ATAD2B: variants seen among roughly 807,000 people sequenced by gnomAD.
ATAD2B encodes the protein ATPase family AAA domain containing 2B, also known as ATPase family AAA domain-containing protein 2B.
In ATAD2B, 40 loss-of-function variants were observed where a neutral mutation model predicts 167.6. The ratio of observed to expected loss-of-function variants is 0.24; its 90% confidence interval spans 0.19 to 0.31. The LOEUF (loss-of-function observed/expected upper bound fraction) is 0.31. Ranked by LOEUF, ATAD2B falls within the 10% of genes least tolerant of loss-of-function variation. ATAD2B has a pLI of 1.00. For synonymous variants in ATAD2B, 579 were observed against 596.5 expected, an observed-to-expected ratio of 0.97 and a Z score of 0.43; for missense variants, 1,242 against 1,757.2, an observed-to-expected ratio of 0.71 and a Z score of 5.24.
intron 17 of ATAD2B, among the ~76,000 whole-genome samples, chr2:23,811,014 A>AAAAC (rs139327555): frequency 2.9e-4 from 44 of 150,802 alleles, no homozygotes; most frequent in Non-Finnish European, 3.5e-4. Flanking sequence ...TCCATCTCAA[A>AAAAC]AAACAAACAA....
At chr2:23,778,584 A>G (rs2149372259) in intron 22 of ATAD2B, among the ~76,000 whole-genome samples, 2 of 152,362 alleles carry the variant, frequency 1.3e-5, no homozygotes, top group East Asian at 3.9e-4. Flanking sequence ...TCATAAGAAT[A>G]CAAACACAAA....
rs1703824330 is a variant in ATAD2B at position 23,920,961 on chromosome 2, T to C, written c.216+5594A>G. The stretch of plus-strand genomic sequence containing the variant: ...GGCTCATGCCTGTAACCTCAGCACT[T>C]TGGGAGACCGAGGCGGGCGGGTCGC... On this transcript the variant is annotated intron_variant, in intron 1 of 27. Transcript: ENST00000238789. 2.0e-5 allele frequency among the ~76,000 whole-genome samples: 3 copies of C among 152,124 alleles called. No homozygotes were observed. In the South Asian group the frequency reaches 6.2e-4, roughly 32 times the overall value.
chr2:23,695,568 G>A, the ATAD2B span: 87 of 1,252,402 alleles, frequency 6.9e-5, no homozygotes, highest in Non-Finnish European at 8.5e-5. This position sits in a 1 kb window ranked among gnomAD's most constrained non-coding sequence, Gnocchi z 7.6. Context: ...CTTTCCGTCC[G>A]GGAGGTGGCT....
the ATAD2B span, among the ~76,000 whole-genome samples, chr2:23,734,314 G>A: frequency 4.6e-5 from 7 of 151,962 alleles, no homozygotes; most frequent in Non-Finnish European, 1.0e-4. Flanking sequence ...GTGTCACCAC[G>A]CCTGGCTAAT....
chr2:23,798,190 G>C lies in ATAD2B; in HGVS notation c.2588C>G (p.Pro863Arg). Residue 863 changes from proline (P) to arginine (R), a missense_variant, in exon 19 of 28, where the codon CCT becomes CGT. This residue lies in a region of ATAD2B where 34 missense variants were observed against 101.1 expected (regional missense o/e 0.34). Coordinates refer to ENST00000238789, the MANE Select transcript of ATAD2B (RefSeq NM_017552.4). The part of the protein sequence containing the change: ...TLLQDIPSFS[P>R]IFLLSTSETM... ...TTCAGAGGTAGACAATAAAAATATAGGTGAAAATGATGGTATATCTTGTAG... is the reference window on the plus strand; with the variant it reads ...TTCAGAGGTAGACAATAAAAATATACGTGAAAATGATGGTATATCTTGTAG... 6.2e-7 allele frequency: 1 copy of C among 1,604,188 alleles called. No homozygotes were observed.
chr2:23,692,237 A>G, the ATAD2B span, among the ~76,000 whole-genome samples: 1 of 152,220 alleles, frequency 6.6e-6, no homozygotes, highest in Non-Finnish European at 1.5e-5. Context: ...CCCTGAACAA[A>G]GCAGCCCAAA....
intron 8 of ATAD2B, among the ~76,000 whole-genome samples, chr2:23,870,575 C>A (rs1011919737): frequency 1.3e-5 from 2 of 151,412 alleles, no homozygotes; most frequent in African/African-American, 4.9e-5. Flanking sequence ...TATAAGCCAC[C>A]GCACAGGGCC....
rs148207677 is a variant in ATAD2B at position 23,769,542 on chromosome 2, T to C, written c.3134-3914A>G. ...TATGGAGGGATGACTATAATACATA[T>C]GTTAAACATTCTAAGAAACTTCTAG... On this transcript the variant is annotated intron_variant, in intron 22 of 27. Coordinates refer to ENST00000238789, the MANE Select transcript of ATAD2B (RefSeq NM_017552.4). 3.5e-3 allele frequency among the ~76,000 whole-genome samples: 528 copies of C among 152,180 alleles called. 7 individuals carry two copies. Among genetic ancestry groups the C allele is most frequent in the African/African-American group, 0.012 (493 of 41,512 alleles).
At chr2:23,913,476 C>T (rs910100755) in intron 1 of ATAD2B, among the ~76,000 whole-genome samples, 4 of 151,958 alleles carry the variant, frequency 2.6e-5, no homozygotes, top group African/African-American at 9.7e-5. Context: ...CCCATCTCTA[C>T]TAAAAATACA....
chr2:23,691,426 G>T, the ATAD2B span: 1 of 564,982 alleles, frequency 1.8e-6, no homozygotes, highest in Non-Finnish European at 3.2e-6. Flanking sequence ...TTTTTGATTT[G>T]CATCTTTTTT....
chr2:23,679,764 G>A, the ATAD2B span, among the ~76,000 whole-genome samples: 7 of 152,330 alleles, frequency 4.6e-5, no homozygotes, highest in South Asian at 6.2e-4. Flanking sequence ...GCCAGCCTCC[G>A]GAGGAGGGCA....
chr2:23,716,277 T>C, the ATAD2B span, among the ~76,000 whole-genome samples: 2 of 152,224 alleles, frequency 1.3e-5, no homozygotes, highest in African/African-American at 4.8e-5. Flanking sequence ...ACTTGCAAAG[T>C]TTCTTGAGCC....
At chr2:23,855,118 C>T (rs558642108) in intron 13 of ATAD2B, among the ~76,000 whole-genome samples, 21 of 148,652 alleles carry the variant, frequency 1.4e-4, no homozygotes, top group African/African-American at 4.2e-4. Flanking sequence ...CGCTTCAATG[C>T]GGGGTGCGGA....
chr2:23,732,253 C>A, the ATAD2B span, among the ~76,000 whole-genome samples: 6 of 151,716 alleles, frequency 4.0e-5, no homozygotes, highest in South Asian at 8.3e-4. Context: ...GTTTCTTCAA[C>A]AAATTAATGG....
the ATAD2B span, among the ~76,000 whole-genome samples, chr2:23,705,423 C>T: frequency 5.9e-5 from 9 of 151,542 alleles, no homozygotes; most frequent in East Asian, 3.9e-4. Flanking sequence ...ACCTGGGAGG[C>T]GGAGGTTGCA....
intron 1 of ATAD2B, among the ~76,000 whole-genome samples, chr2:23,912,782 A>G (rs1298159032): frequency 3.3e-5 from 5 of 151,904 alleles, no homozygotes; most frequent in African/African-American, 1.2e-4. Flanking sequence ...CCTGAGGTTA[A>G]GAGTTCGAGA....
At chr2:23,805,430 A>T (rs1684206568) in intron 18 of ATAD2B, among the ~76,000 whole-genome samples, 1 of 152,300 alleles carries the variant, frequency 6.6e-6, no homozygotes, top group South Asian at 2.1e-4. Flanking sequence ...TAATGGCTAG[A>T]CAGTACTCCT....
At chr2:23,865,103 G>A (rs1482654223) in intron 10 of ATAD2B, among the ~76,000 whole-genome samples, 179 bp from the exon 11 acceptor site, 1 of 152,072 alleles carries the variant, frequency 6.6e-6, no homozygotes, top group African/African-American at 2.4e-5. Flanking sequence ...TTACATTTCA[G>A]TTCAGGCAAA....
chr2:23,893,767 T>C (rs1461672261), intron 2 of ATAD2B, among the ~76,000 whole-genome samples: 1 of 149,616 alleles, frequency 6.7e-6, no homozygotes, highest in African/African-American at 2.5e-5. Flanking sequence ...ACTGCTAGGA[T>C]CATGGCATCC....
Sources: allele counts gnomAD v4.1 joint callset (sites outside exome capture counted in the v4.1 genomes callset), GRCh38; gene constraint gnomAD v4.1.1; regional missense constraint gnomAD v4.1.1; non-coding constraint Gnocchi (gnomAD v3.1); transcripts MANE v1.5; gene names NCBI Gene and HGNC (gene_info 2026-07-23, HGNC 2026-07-21).